The following USP9Y variants were observed in gnomAD, a reference collection of about 807,000 sequenced individuals.
USP9Y encodes the protein ubiquitin specific peptidase 9 Y-linked, also known as ubiquitin carboxyl-terminal hydrolase 9Y.
In USP9Y, 41 loss-of-function variants were observed where a neutral mutation model predicts 53.1. That is an observed-to-expected ratio of 0.77 (90% CI 0.60 to 1.00). The LOEUF (loss-of-function observed/expected upper bound fraction) is 1.00. USP9Y is among the 50% of genes least tolerant of loss of function. USP9Y has a pLI of 0.00. For missense variants in USP9Y, 567 were observed against 535.8 expected (o/e 1.06, Z -0.58); for synonymous variants, 220 against 173.7 (o/e 1.27, Z -2.09).
intron 12 of USP9Y, among the ~76,000 whole-genome samples, chrY:12,742,403 T>C: frequency 3.0e-5 from 1 of 33,430 alleles, no homozygotes; most frequent in Admixed American, 2.7e-4. Context: ...TGCTGATTGA[T>C]CCATTTTACA....
At chrY:12,770,672 AT>A (rs2053484938) in intron 15 of USP9Y, among the ~76,000 whole-genome samples, 1 of 32,337 alleles carries the variant, frequency 3.1e-5, no homozygotes, top group South Asian at 6.9e-4. Context: ...TCTCATCTTA[AT>A]TTTTTTGAGT....
chrY:12,787,708 A>G (rs1022685530), intron 24 of USP9Y, among the ~76,000 whole-genome samples: 1 of 33,575 alleles, frequency 3.0e-5, no homozygotes, highest in Admixed American at 2.7e-4. Context: ...GGTCTTGTAC[A>G]TGTCAATTTA....
chrY:12,793,229 G>A (rs2053510361), intron 27 of USP9Y, 28 bp downstream of exon 27: 1 of 388,560 alleles, frequency 2.6e-6, no homozygotes, highest in African/African-American at 6.4e-5. Flanking sequence ...GTAATTTGAA[G>A]GAAGGCTTAC....
chrY:12,715,932 A>T, intron 3 of USP9Y, among the ~76,000 whole-genome samples: 1 of 33,548 alleles, frequency 3.0e-5, no homozygotes, highest in Non-Finnish European at 7.4e-5. Context: ...TTTCTTAGTC[A>T]ATCTAGCTAA....
At chrY:12,797,811 A>T in intron 27 of USP9Y, among the ~76,000 whole-genome samples, 1 of 33,503 alleles carries the variant, frequency 3.0e-5, no homozygotes, top group Admixed American at 2.7e-4. Flanking sequence ...TGCCAGAGTC[A>T]GACTGAAAAG....
chrY:12,772,075 G>A, intron 16 of USP9Y, among the ~76,000 whole-genome samples: 1 of 33,063 alleles, frequency 3.0e-5, no homozygotes, highest in African/African-American at 1.2e-4. Context: ...TCATATTACA[G>A]TACTACAGTT....
In USP9Y at chrY:12,790,431, G is replaced by A; in HGVS notation, c.3586G>A (p.Ala1196Thr). The change falls in exon 25 of 46, where the codon GCA becomes ACA. Residue 1196 changes from alanine to threonine, a missense_variant. Physicochemically the swap from Ala to Thr is moderately conservative, Grantham distance 58. Transcript: ENST00000338981. ...TQINQVTHDQ[A>T]VVLQSALQSI... ...GATTAACCAAGTTACTCATGATCAA[G>A]CAGTGGTGCTACAAAGTGCCCTTCA... The A allele has an allele frequency of 2.5e-6, 1 of 397,674 alleles. No individual in the cohort carries two copies. Among genetic ancestry groups the A allele is most frequent in the Non-Finnish European group, 3.5e-6 (1 of 282,749 alleles).
At chrY:12,806,588 A>G in intron 27 of USP9Y, among the ~76,000 whole-genome samples, 1 of 33,935 alleles carries the variant, frequency 2.9e-5, no homozygotes, top group Non-Finnish European at 7.3e-5. Context: ...AGGGGTAGTA[A>G]CGCATTCCGT....
At chrY:12,798,662 TAGAC>T (rs2053515863) in intron 27 of USP9Y, among the ~76,000 whole-genome samples, 1 of 32,399 alleles carries the variant, frequency 3.1e-5, no homozygotes, top group African/African-American at 1.2e-4. Context: ...GGAGGTTTAA[TAGAC>T]AGAAGAGGAG....
chrY:12,764,587 C>T, intron 15 of USP9Y, among the ~76,000 whole-genome samples: 1 of 33,342 alleles, frequency 3.0e-5, no homozygotes, highest in South Asian at 6.7e-4. Flanking sequence ...CAAATCATTG[C>T]AAAACCTGAA....
rs762705876 is a variant in USP9Y at position 12,778,169 on chromosome Y, C to CA, written c.2797dup (p.Ile933AsnfsTer2). Reference sequence around the variant, plus strand: ...ATCGTATTAAAGCCAATGTAGCCCACAAAAAAATTGAACTTTTTGTGGGTG... The same window carrying CA: ...ATCGTATTAAAGCCAATGTAGCCCACAAAAAAAATTGAACTTTTTGTGGGTG... On this transcript the variant is annotated frameshift_variant, in exon 20 of 46. Coordinates refer to ENST00000338981, the MANE Select transcript of USP9Y (RefSeq NM_004654.4). LOFTEE classifies it high-confidence loss of function. 1 of 396,965 alleles carries CA rather than the reference C, an allele frequency of 2.5e-6. No homozygotes were observed. The highest frequency in any genetic ancestry group is 6.3e-5 in the African/African-American group (1 of 15,956).
At chrY:12,774,903 A>G in intron 17 of USP9Y, among the ~76,000 whole-genome samples, 1 of 33,468 alleles carries the variant, frequency 3.0e-5, no homozygotes, top group African/African-American at 1.2e-4. Flanking sequence ...TTTAACTAGT[A>G]GTAACTCCTA....
chrY:12,776,227 C>G, intron 18 of USP9Y, among the ~76,000 whole-genome samples: 2 of 29,707 alleles, frequency 6.7e-5, no homozygotes, highest in Non-Finnish European at 1.6e-4. Flanking sequence ...TCTGAACCTC[C>G]GCCTCCCAGG....
chrY:12,843,545 A>G (rs2053564142), intron 39 of USP9Y, among the ~76,000 whole-genome samples: 1 of 33,075 alleles, frequency 3.0e-5, no homozygotes, highest in African/African-American at 1.2e-4. Context: ...ATATTTCTAA[A>G]GGACCCCAAG....
At chrY:12,802,444 A>G (rs2053520089) in intron 27 of USP9Y, 1 of 34,930 alleles carries the variant, frequency 2.9e-5, no homozygotes, top group Non-Finnish European at 7.2e-5. Context: ...TTCACAAAGA[A>G]CACAAAATCA....
At position 12,855,504 on chromosome Y, in the gene USP9Y, G is replaced by A. The variant is rs772547135; in HGVS notation, c.7065-836G>A. 1.8e-4 allele frequency among the ~76,000 whole-genome samples: 6 copies of A among 33,325 alleles called. No homozygotes were observed. In the South Asian group the frequency reaches 2.0e-3, roughly 11 times the overall value. The allele number at this position is 33,325 out of a possible 37,273, so 89.4% of individuals were successfully genotyped here. On this transcript the variant is annotated intron_variant, in intron 42 of 45. Coordinates refer to ENST00000338981, the MANE Select transcript of USP9Y (RefSeq NM_004654.4). ...TGGTATTACAGGTGTGAGCCACCGC[G>A]CCCAGCCTTCGTTTGCAATTTTTTA...
intron 7 of USP9Y, among the ~76,000 whole-genome samples, chrY:12,730,848 C>A (rs2053446693): frequency 3.0e-5 from 1 of 33,094 alleles, no homozygotes. Context: ...TAAATCTATT[C>A]TGCCAATCTG....
At chrY:12,718,785 G>A in intron 3 of USP9Y, among the ~76,000 whole-genome samples, 1 of 33,458 alleles carries the variant, frequency 3.0e-5, no homozygotes, top group Non-Finnish European at 7.4e-5. Context: ...CTACCATACC[G>A]CATAGTTTGT....
chrY:12,770,072 G>A, intron 15 of USP9Y, among the ~76,000 whole-genome samples: 1 of 33,512 alleles, frequency 3.0e-5, no homozygotes, highest in African/African-American at 1.2e-4. Flanking sequence ...GTGAGCCACC[G>A]TGCCTAGCCA....
Sources: allele counts gnomAD v4.1 joint callset (sites outside exome capture counted in the v4.1 genomes callset), GRCh38; gene constraint gnomAD v4.1.1; transcripts MANE v1.5; gene names NCBI Gene and HGNC (gene_info 2026-07-23, HGNC 2026-07-21).